MAPK9: variants seen among roughly 807,000 people sequenced by gnomAD.
MAPK9 encodes the protein mitogen-activated protein kinase 9, also known as Jun kinase.
In MAPK9, 30 loss-of-function variants were observed where a neutral mutation model predicts 57.1. That is an observed-to-expected ratio of 0.53 (90% CI 0.39 to 0.71). The LOEUF is 0.71. MAPK9 is among the 30% of genes least tolerant of loss of function. The probability of loss-of-function intolerance (pLI) is 0.00; values close to 1 mark genes in which losing one functional copy is unlikely to be tolerated. For missense variants in MAPK9, 362 were observed against 521.0 expected (o/e 0.69, Z 2.97); for synonymous variants, 155 against 177.0 (o/e 0.88, Z 0.99).
intron 1 of MAPK9, chr5:180,287,146 T>A (rs1762840741): frequency 6.6e-6 from 1 of 152,184 alleles, no homozygotes; most frequent in Non-Finnish European, 1.5e-5. Flanking sequence ...AAGGGGCTGC[T>A]GTGGCTGTAA....
At position 180,233,592 on chromosome 5, in the gene MAPK9, C is replaced by A. The variant is rs572970775; in HGVS notation, c.*2792G>T. On this transcript the variant is annotated 3_prime_UTR_variant, in exon 12 of 12. Coordinates refer to ENST00000452135, the MANE Select transcript of MAPK9 (RefSeq NM_002752.5). ...ACACACAAAAATTGGACATGCTATA[C>A]ATTTATCTTTTAAAATGTAGTCTGT... 6.6e-6 allele frequency: 1 copy of A among 152,182 alleles called. No individual in the cohort carries two copies. The highest frequency in any genetic ancestry group is 2.4e-5 in the African/African-American group (1 of 41,426). The allele number at this position is 152,182 out of a possible 1,614,324, so 9.4% of individuals were successfully genotyped here. A position where few individuals can be genotyped will look rare whatever the true frequency, so the allele number is the denominator to read the frequency against.
chr5:180,253,282 C>T lies in MAPK9; in HGVS notation c.451-4144G>A, dbSNP rs913405460. On this transcript the variant is annotated intron_variant, in intron 5 of 11. Transcript: ENST00000452135. ...CCTCTGGCTGCTCCCCCTTCCTTCT[C>T]GCACAGGCCTCCTCCCGGCCAGTCC... is the stretch of plus-strand genomic sequence containing the variant. Among the ~76,000 whole-genome samples, 4 of 152,364 alleles carry T rather than the reference C, an allele frequency of 2.6e-5. No homozygotes were observed. In the East Asian group the frequency reaches 5.8e-4, roughly 22 times the overall value.
intron 11 of MAPK9, 189 bp from the exon 12 acceptor site, chr5:180,236,715 T>A (rs1250914658): frequency 2.0e-6 from 1 of 500,906 alleles, no homozygotes; most frequent in Admixed American, 3.6e-5. Flanking sequence ...GGGCCAAGAG[T>A]CCCATATTCC....
At chr5:180,249,629 C>T (rs754219193) in intron 5 of MAPK9, among the ~76,000 whole-genome samples, 1 of 152,194 alleles carries the variant, frequency 6.6e-6, no homozygotes, top group African/African-American at 2.4e-5. Context: ...CAGTCCAGGG[C>T]AGTGCTGTCC....
chr5:180,280,820 G>T (rs1417106556), intron 1 of MAPK9, among the ~76,000 whole-genome samples: 2 of 152,150 alleles, frequency 1.3e-5, no homozygotes, highest in Non-Finnish European at 2.9e-5. Flanking sequence ...TTGAGGCCCA[G>T]CAAGACCACA....
In MAPK9 at chr5:180,234,760, T is replaced by C. The variant is rs1757067554; in HGVS notation, c.*1624A>G. The C allele has an allele frequency of 6.6e-6, 1 of 152,238 alleles. No homozygotes were observed. Among genetic ancestry groups the C allele is most frequent in the Non-Finnish European group, 1.5e-5 (1 of 68,042 alleles). The allele number at this position is 152,238 out of a possible 1,614,324, so 9.4% of individuals were successfully genotyped here. On this transcript the variant is annotated 3_prime_UTR_variant, in exon 12 of 12. Transcript: ENST00000452135. ...TCCAAATGACACAATATAAAAGAAC[T>C]ATTTCTTATTTCAATATTAATTTTG...
chr5:180,250,988 A>T (rs1471978210), intron 5 of MAPK9, among the ~76,000 whole-genome samples: 2 of 152,218 alleles, frequency 1.3e-5, no homozygotes, highest in Admixed American at 6.5e-5. Context: ...TTAAAATCAA[A>T]GAGTATGACA....
intron 1 of MAPK9, among the ~76,000 whole-genome samples, chr5:180,281,983 G>C (rs1182286437): frequency 6.6e-5 from 10 of 152,220 alleles, no homozygotes. Flanking sequence ...CTAGGGCTGA[G>C]TGAGCTGGAA....
At chr5:180,284,914 G>A (rs6885325) in intron 1 of MAPK9, among the ~76,000 whole-genome samples, 8,621 of 152,188 alleles carry the variant, frequency 0.057, 727 homozygotes, top group African/African-American at 0.18. Context: ...ACACACACAC[G>A]CATACACACG....
At chr5:180,240,898 G>T in intron 9 of MAPK9, 133 bp downstream of exon 9, 4 of 1,121,162 alleles carry the variant, frequency 3.6e-6, no homozygotes, top group Non-Finnish European at 4.9e-6. Flanking sequence ...GACAACACTT[G>T]GCCTTTCTGT....
intron 4 of MAPK9, among the ~76,000 whole-genome samples, chr5:180,263,873 T>C (rs1760256680): frequency 6.6e-6 from 1 of 151,872 alleles, no homozygotes; most frequent in Admixed American, 6.6e-5. Context: ...GCCCGGCTGA[T>C]TTTTTGTATT....
intron 1 of MAPK9, among the ~76,000 whole-genome samples, chr5:180,285,207 G>T (rs1762631419): frequency 6.6e-6 from 1 of 152,160 alleles, no homozygotes; most frequent in African/African-American, 2.4e-5. Context: ...TCCCCGCTCT[G>T]CAAATGAGGA....
At chr5:180,267,298 A>T (rs562499369) in intron 3 of MAPK9, among the ~76,000 whole-genome samples, 1 of 152,178 alleles carries the variant, frequency 6.6e-6, no homozygotes, top group African/African-American at 2.4e-5. Context: ...GCGGTGGCTC[A>T]CGCCTGTAAT....
chr5:180,239,902 T>A (rs902115430), intron 10 of MAPK9, 22 bp downstream of exon 10: 41 of 1,603,842 alleles, frequency 2.6e-5, no homozygotes, highest in Non-Finnish European at 3.5e-5. Context: ...AAAGGAAGGA[T>A]CAAAATAAGC....
chr5:180,235,857 T>A lies in MAPK9; in HGVS notation c.*527A>T, dbSNP rs1277815855. 1 of 152,598 alleles carries A rather than the reference T, an allele frequency of 6.6e-6. No homozygotes were observed. The highest frequency in any genetic ancestry group is 6.5e-5 in the Admixed American group (1 of 15,276). 9.5% of individuals were successfully genotyped at this position (152,598 alleles called of 1,614,324 possible). A position where few individuals can be genotyped will look rare whatever the true frequency, so the allele number is the denominator to read the frequency against. On this transcript the variant is annotated 3_prime_UTR_variant, in exon 12 of 12. Transcript: ENST00000452135. ...GAAATACAAAAGATAGAATAAATCA[T>A]AGCATAAAAGGGAATAAGATATGAT...
rs780908927 is a variant in MAPK9 at position 180,269,446 on chromosome 5, CG to C, written c.123-38del. On this transcript the variant is annotated intron_variant, in intron 2 of 11. Coordinates refer to ENST00000452135, the MANE Select transcript of MAPK9 (RefSeq NM_002752.5). ...AAATATAATGCACAATCCATTAGAA[CG>C]GTTTTGGAAAATACAGCAATGCCAG... 1.5e-5 allele frequency: 24 copies of C among 1,595,510 alleles called. No individual in the cohort carries two copies. In the African/African-American group the frequency reaches 2.7e-4, roughly 18 times the overall value.
At chr5:180,260,031 T>C (rs1218630414) in intron 5 of MAPK9, among the ~76,000 whole-genome samples, 1 of 152,256 alleles carries the variant, frequency 6.6e-6, no homozygotes, top group Non-Finnish European at 1.5e-5. Flanking sequence ...TGCCTTTATA[T>C]GTTCCAGTTA....
intron 2 of MAPK9, among the ~76,000 whole-genome samples, chr5:180,277,437 C>G (rs1761924381): frequency 6.6e-6 from 1 of 152,218 alleles, no homozygotes; most frequent in African/African-American, 2.4e-5. Context: ...TGACTATGAC[C>G]TTCCTGTCTC....
chr5:180,238,040 G>A (rs1173262668), intron 11 of MAPK9: 1 of 211,724 alleles, frequency 4.7e-6, no homozygotes, highest in Non-Finnish European at 9.5e-6. Context: ...GGGAGGCTGA[G>A]GCGGGCAGAT....
Sources: gnomAD v4.1 joint callset for allele counts (sites outside exome capture counted in the v4.1 genomes callset) on GRCh38, gnomAD v4.1.1 for gene constraint, MANE v1.5 for transcripts, NCBI Gene and HGNC (gene_info 2026-07-23, HGNC 2026-07-21) for gene names.